Variants in PALS1 observed in about 807,000 individuals in gnomAD.
PALS1 encodes the protein protein associated with LIN7 1, MAGUK p55 family member.
In PALS1, 31 loss-of-function variants were observed where a neutral mutation model predicts 78.9. The observed-to-expected ratio is 0.39, with a 90% CI of 0.30 to 0.53. The LOEUF is 0.53. PALS1 is among the 20% of genes least tolerant of loss of function. The pLI, the probability that PALS1 is intolerant of heterozygous loss-of-function variation, is 0.67. For missense variants in PALS1, 704 were observed against 826.5 expected (o/e 0.85, Z 1.82); for synonymous variants, 276 against 270.9 (o/e 1.02, Z -0.18).
chr14:67,265,939 G>T (rs538646115), intron 1 of PALS1, among the ~76,000 whole-genome samples: 1 of 151,432 alleles, frequency 6.6e-6, no homozygotes, highest in South Asian at 2.1e-4. Context: ...GACTGTATCT[G>T]TCCATTAAAA....
intron 14 of PALS1, among the ~76,000 whole-genome samples, chr14:67,327,839 T>C (rs1485890540): frequency 6.6e-6 from 1 of 152,230 alleles, no homozygotes; most frequent in African/African-American, 2.4e-5. Context: ...TTTGGCTGCA[T>C]AGTATTCCAT....
chr14:67,273,183 T>C (rs1391571481), intron 2 of PALS1, among the ~76,000 whole-genome samples: 1 of 151,938 alleles, frequency 6.6e-6, no homozygotes, highest in Non-Finnish European at 1.5e-5. Context: ...TTCTTACATA[T>C]GTATGCATGT....
In PALS1 at chr14:67,332,898, GGTTA is replaced by G; in HGVS notation, c.1971_1974del (p.Ile659ThrfsTer15). ...GATAAAGCCTATCAGGAATTGCTTA[GGTTA>G]ATTAACAAACTTGATACTGAACCTC... On this transcript the variant is annotated frameshift_variant, in exon 15 of 15. Transcript: ENST00000261681. LOFTEE classifies it high-confidence loss of function. The G allele has an allele frequency of 6.2e-7, 1 of 1,613,956 alleles. No individual in the cohort carries two copies. Among genetic ancestry groups the G allele is most frequent in the Admixed American group, 1.7e-5 (1 of 60,002 alleles).
At chr14:67,281,710 AAT>A (rs1485339476) in intron 3 of PALS1, among the ~76,000 whole-genome samples, 1 of 152,204 alleles carries the variant, frequency 6.6e-6, no homozygotes, top group African/African-American at 2.4e-5. Context: ...TAAAGAAACA[AAT>A]ATAGCTTCAG....
rs190925914 is a variant in PALS1, at chr14:67,335,278, C to A, written c.*2322C>A. 6.6e-6 allele frequency: 1 copy of A among 152,342 alleles called. No individual in the cohort carries two copies. The highest frequency in any genetic ancestry group is 2.4e-5 in the African/African-American group (1 of 41,580). 9.4% of individuals were successfully genotyped at this position (152,342 alleles called of 1,614,324 possible). ...AAAGTGAAAACTGAGTTGTTGCTGA[C>A]CTCCACAAAAGAATATGGAAAAAAG... is the stretch of plus-strand genomic sequence containing the variant. On this transcript the variant is annotated 3_prime_UTR_variant, in exon 15 of 15. Transcript: ENST00000261681.
intron 4 of PALS1, among the ~76,000 whole-genome samples, chr14:67,296,767 C>T (rs2140860623): frequency 1.3e-5 from 2 of 152,108 alleles, no homozygotes; most frequent in Middle Eastern, 3.4e-3. Flanking sequence ...CAGAGTCTTG[C>T]TCTGTCACCC....
At chr14:67,332,218 C>T (rs563907182) in intron 14 of PALS1, among the ~76,000 whole-genome samples, 1 of 152,274 alleles carries the variant, frequency 6.6e-6, no homozygotes, top group Admixed American at 6.5e-5. Context: ...GCCTTGCTGC[C>T]TGCTTATCTT....
At chr14:67,293,665 G>T (rs1392610066) in intron 4 of PALS1, among the ~76,000 whole-genome samples, 2 of 152,098 alleles carry the variant, frequency 1.3e-5, no homozygotes, top group African/African-American at 4.8e-5. Flanking sequence ...CACACATGTA[G>T]GCAATTCTGG....
intron 12 of PALS1, 101 bp downstream of exon 12, chr14:67,320,498 A>C: frequency 8.8e-7 from 1 of 1,130,946 alleles, no homozygotes; most frequent in Non-Finnish European, 1.2e-6. Flanking sequence ...TCATTAAAAC[A>C]CTGTTGTCAG....
intron 4 of PALS1, among the ~76,000 whole-genome samples, chr14:67,299,624 G>A (rs1047999583): frequency 1.3e-5 from 2 of 152,170 alleles, no homozygotes; most frequent in Admixed American, 1.3e-4. Context: ...TAGAATAAAA[G>A]AATAGCCTTT....
At chr14:67,309,992 G>GT (rs555819051) in intron 8 of PALS1, among the ~76,000 whole-genome samples, 6,351 of 140,912 alleles carry the variant, frequency 0.045, 135 homozygotes, top group Non-Finnish European at 0.05. Flanking sequence ...GATTCTCAAG[G>GT]TTTTTTTTTT....
chr14:67,311,203 C>A (rs1249454384), intron 8 of PALS1, among the ~76,000 whole-genome samples: 1 of 148,940 alleles, frequency 6.7e-6, no homozygotes, highest in Admixed American at 6.8e-5. Context: ...CCCAGCTACT[C>A]GGGAGGCTCA....
chr14:67,263,235 C>A (rs1488108483), intron 1 of PALS1, among the ~76,000 whole-genome samples: 1 of 152,100 alleles, frequency 6.6e-6, no homozygotes, highest in Non-Finnish European at 1.5e-5. Context: ...CCTAATTTGT[C>A]TAATTGAAAA....
intron 14 of PALS1, among the ~76,000 whole-genome samples, chr14:67,327,006 C>A (rs990725037): frequency 2.0e-5 from 3 of 152,006 alleles, no homozygotes; most frequent in Middle Eastern, 3.2e-3. Context: ...GAAACCCCGT[C>A]TCTACTAAAA....
intron 1 of PALS1, among the ~76,000 whole-genome samples, chr14:67,246,543 A>T (rs1312199707): frequency 2.7e-5 from 4 of 150,932 alleles, no homozygotes; most frequent in Non-Finnish European, 5.9e-5. Context: ...ATCTCCCTAT[A>T]TTGCCCAAGC....
chr14:67,303,427 C>CAG (rs2084956846), intron 7 of PALS1, 95 bp from the exon 8 acceptor site: 1 of 952,946 alleles, frequency 1.0e-6, no homozygotes, highest in African/African-American at 1.6e-5. Flanking sequence ...TGGAGGGGTT[C>CAG]TGAAATAGTC....
intron 2 of PALS1, chr14:67,270,954 C>T (rs1008869911): frequency 1.3e-5 from 2 of 152,036 alleles, no homozygotes; most frequent in African/African-American, 4.8e-5. Context: ...GTCATTTGGG[C>T]AGAAAGATGG....
At chr14:67,327,893 T>C (rs976840405) in intron 14 of PALS1, among the ~76,000 whole-genome samples, 9 of 151,928 alleles carry the variant, frequency 5.9e-5, no homozygotes, top group African/African-American at 2.2e-4. Flanking sequence ...TATCATTGAT[T>C]TGGGTTGGTT....
intron 3 of PALS1, among the ~76,000 whole-genome samples, chr14:67,288,708 G>GGTA (rs926856958): frequency 5.9e-5 from 9 of 151,958 alleles, no homozygotes; most frequent in Non-Finnish European, 1.2e-4. Context: ...GGAATTCTTT[G>GGTA]GTAACCTCAT....
Sources: allele counts gnomAD v4.1 joint callset (sites outside exome capture counted in the v4.1 genomes callset), GRCh38; gene constraint gnomAD v4.1.1; transcripts MANE v1.5; gene names NCBI Gene and HGNC (gene_info 2026-07-23, HGNC 2026-07-21).